PEAK1: variants seen among roughly 807,000 people sequenced by gnomAD.
PEAK1 encodes inactive tyrosine-protein kinase PEAK1.
A neutral mutation model predicts 124.7 loss-of-function variants in PEAK1; 54 were observed. The ratio of observed to expected loss-of-function variants is 0.43; its 90% CI spans 0.35 to 0.54. The LOEUF is 0.54. Ranked by LOEUF, PEAK1 falls within the 20% of genes least tolerant of loss-of-function variation. The pLI is 0.01. For missense variants in PEAK1, 2,046 were observed against 2,134.5 expected, an observed-to-expected ratio of 0.96 and a Z score of 0.82; for synonymous variants, 719 against 760.0, an observed-to-expected ratio of 0.95 and a Z score of 0.89.
intron 1 of PEAK1, chr15:77,401,625 T>C: frequency 1.6e-5 from 16 of 985,008 alleles, no homozygotes; most frequent in Non-Finnish European, 1.9e-5. Flanking sequence ...TCTTTGTATT[T>C]TCCACAGAAT....
chr15:77,413,622 G>C (rs1380288808), intron 1 of PEAK1, among the ~76,000 whole-genome samples: 1 of 152,138 alleles, frequency 6.6e-6, no homozygotes, highest in South Asian at 2.1e-4. Flanking sequence ...GAGAGACAAA[G>C]AAGACAACTA....
exon 7 of PEAK1, chr15:77,102,340 T>G (rs1218685750): frequency 2.0e-5 from 3 of 152,228 alleles, no homozygotes. Context: ...ATCTTTTTTC[T>G]GGGTTATTTA....
chr15:77,134,737 T>TA (rs1377838031), intron 8 of PEAK1, among the ~76,000 whole-genome samples: 1 of 152,228 alleles, frequency 6.6e-6, no homozygotes, highest in Non-Finnish European at 1.5e-5. Flanking sequence ...ATGAGGCCTC[T>TA]ACTCAAGATC....
rs755534602 is a variant in PEAK1 at position 77,133,466 on chromosome 15, C to T, written c.3616G>A (p.Glu1206Lys). ...GACTCAATGTCCAGTCCTTTGAGTT[C>T]ATAGCTGATGGAAGAACCAGCACTG... The part of the protein sequence containing the change: ...ASSAGSSISY[E>K]LKGLDIESYD... Residue 1206 changes from glutamate to lysine, a missense_variant, in exon 9 of 10, where the codon GAA becomes AAA. By Grantham distance (56) the Glu-to-Lys change is moderately conservative. Coordinates refer to ENST00000682557, the MANE Select transcript of PEAK1 (RefSeq NM_001385026.1). This position sits in a 1 kb window ranked among gnomAD's most constrained non-coding sequence, Gnocchi z 4.2. The T allele has an allele frequency of 4.3e-6, 7 of 1,614,114 alleles. No homozygotes were observed. The highest frequency in any genetic ancestry group is 5.9e-6 in the Non-Finnish European group (7 of 1,180,050).
intron 6 of PEAK1, among the ~76,000 whole-genome samples, chr15:77,188,504 A>G (rs2057663915): frequency 6.6e-6 from 1 of 152,232 alleles, no homozygotes; most frequent in South Asian, 2.1e-4. Flanking sequence ...GTTCCCTGAA[A>G]CCACTTTAGA....
Position 77,181,587 on chromosome 15 carries a change from T to A in PEAK1, c.340A>T (p.Lys114Ter). Reference sequence around the variant, plus strand: ...TCTTCATTATTATTGTTAAGTGGTTTCTGACTCAAGGCAGCTCTGTTTCGG... The same window carrying A: ...TCTTCATTATTATTGTTAAGTGGTTACTGACTCAAGGCAGCTCTGTTTCGG... ...WNRNRAALSQ[K>*]PLNNNNEDDE... Residue 114 changes from lysine to a stop codon, truncating the protein, a stop_gained, in exon 7 of 10, where the codon AAA (lysine) becomes TAA (stop). Coordinates refer to ENST00000682557, the MANE Select transcript of PEAK1 (RefSeq NM_001385026.1). LOFTEE classifies it high-confidence loss of function. 6.2e-7 allele frequency: 1 copy of A among 1,614,200 alleles called. No individual in the cohort carries two copies. Among genetic ancestry groups the A allele is most frequent in the Non-Finnish European group, 8.5e-7 (1 of 1,180,032 alleles).
At chr15:77,177,091 G>C (rs2056929815) in intron 7 of PEAK1, among the ~76,000 whole-genome samples, 1 of 152,050 alleles carries the variant, frequency 6.6e-6, no homozygotes. Context: ...CAAGTAGCTA[G>C]GATTACAGGC....
At chr15:77,266,349 T>C (rs1483728795) in intron 5 of PEAK1, among the ~76,000 whole-genome samples, 1 of 152,118 alleles carries the variant, frequency 6.6e-6, no homozygotes, top group Non-Finnish European at 1.5e-5. Flanking sequence ...AGAGTGGGTA[T>C]CATCAGAGGC....
Position 77,179,098 on chromosome 15 carries a change from T to G in PEAK1, c.2829A>C (p.Lys943Asn). ...GTTTCCCTTTCTCTCGCTCTTTCTCTTTGTCATCCTCCTCATCTGTTTTCC... is the reference window on the plus strand; with the variant it reads ...GTTTCCCTTTCTCTCGCTCTTTCTCGTTGTCATCCTCCTCATCTGTTTTCC... Reference protein sequence around the residue: ...RRRKTDEEDDKEKEREKGKLV... With the variant: ...RRRKTDEEDDNEKEREKGKLV... Residue 943 changes from lysine to asparagine, a missense_variant, in exon 7 of 10, where the codon AAA becomes AAC. Physicochemically the swap from Lys to Asn is moderately conservative, Grantham distance 94. Coordinates refer to ENST00000682557, the MANE Select transcript of PEAK1 (RefSeq NM_001385026.1). 2.5e-6 allele frequency: 4 copies of G among 1,614,184 alleles called. No individual in the cohort carries two copies. Among genetic ancestry groups the G allele is most frequent in the Non-Finnish European group, 3.4e-6 (4 of 1,180,018 alleles).
At chr15:77,132,827 C>G (rs553407883) in intron 9 of PEAK1, among the ~76,000 whole-genome samples, 178 bp downstream of exon 9, 14 of 151,228 alleles carry the variant, frequency 9.3e-5, no homozygotes, top group South Asian at 8.4e-4. Context: ...AGTTACGTAT[C>G]TGTTTTCTTT....
intron 5 of PEAK1, among the ~76,000 whole-genome samples, chr15:77,274,332 C>G (rs2062194548): frequency 6.6e-6 from 1 of 151,990 alleles, no homozygotes; most frequent in Admixed American, 6.6e-5. Flanking sequence ...AGCAGAGAAA[C>G]CAGACAACCC....
chr15:77,211,586 C>T (rs1193702168), intron 6 of PEAK1, among the ~76,000 whole-genome samples: 1 of 152,082 alleles, frequency 6.6e-6, no homozygotes, highest in African/African-American at 2.4e-5. Flanking sequence ...CGGCAGTTCA[C>T]GCCTGTAATC....
intron 9 of PEAK1, among the ~76,000 whole-genome samples, chr15:77,125,748 C>T (rs1164783338): frequency 5.3e-5 from 8 of 152,232 alleles, no homozygotes; most frequent in Non-Finnish European, 1.5e-5. Context: ...TACCTAGGCA[C>T]CGCTTGGGGT....
chr15:77,264,744 G>GA (rs1418264792), intron 5 of PEAK1, among the ~76,000 whole-genome samples: 1 of 151,924 alleles, frequency 6.6e-6, no homozygotes, highest in African/African-American at 2.4e-5. Context: ...CACAGAATTG[G>GA]AAAAAACTAC....
intron 2 of PEAK1, chr15:77,352,119 T>C (rs2067245893): frequency 3.4e-6 from 3 of 874,720 alleles, no homozygotes; most frequent in Non-Finnish European, 4.1e-6. Context: ...ACTCAGGAGA[T>C]TGAGGTGTAA....
At chr15:77,336,795 A>C (rs1200697792) in intron 2 of PEAK1, among the ~76,000 whole-genome samples, 1 of 152,202 alleles carries the variant, frequency 6.6e-6, no homozygotes, top group Non-Finnish European at 1.5e-5. Context: ...TACATGGATA[A>C]GAGTGTGTAC....
chr15:77,178,848 C>G lies in PEAK1; in HGVS notation c.3079G>C (p.Asp1027His). ...GAATGACTCCTCTTCTTCTCTGAGT[C>G]CTGTAGTAATGCATTCTCTGCTCTA... ...KGRAENALLQDSEKKRSHSSP... is the reference protein window; with the variant it reads ...KGRAENALLQHSEKKRSHSSP... The change falls in exon 7 of 10, where the codon GAC becomes CAC. Residue 1027 changes from aspartate to histidine, a missense_variant. Transcript: ENST00000682557. 1 of 1,614,098 alleles carries G rather than the reference C, an allele frequency of 6.2e-7. No individual in the cohort carries two copies. The highest frequency in any genetic ancestry group is 2.2e-5 in the East Asian group (1 of 44,878).
intron 2 of PEAK1, chr15:77,333,858 C>T (rs1337271960): frequency 1.8e-6 from 1 of 560,850 alleles, no homozygotes; most frequent in Admixed American, 6.4e-5. Context: ...CATAATGCTA[C>T]TCCTTCAAAA....
At chr15:77,418,232 C>A (rs2073049891) in intron 1 of PEAK1, 2 of 985,266 alleles carry the variant, frequency 2.0e-6, no homozygotes, top group East Asian at 2.3e-4. Context: ...TCTCTTCCAA[C>A]CCTAGAACAC....
Sources: allele counts gnomAD v4.1 joint callset (sites outside exome capture counted in the v4.1 genomes callset), GRCh38; gene constraint gnomAD v4.1.1; non-coding constraint Gnocchi (gnomAD v3.1); transcripts MANE v1.5; gene names NCBI Gene and HGNC (gene_info 2026-07-23, HGNC 2026-07-21).